Variants in UPP2 observed in about 807,000 individuals in gnomAD.
UPP2 encodes the protein UPase 2.
In UPP2, 23 loss-of-function variants were observed where a neutral mutation model predicts 26.7. That is an observed-to-expected ratio of 0.86 (90% CI 0.62 to 1.22). UPP2 has a LOEUF of 1.22. Ranked by LOEUF, UPP2 falls within the 50% of genes most tolerant of loss-of-function variation. The pLI, the probability that UPP2 is intolerant of heterozygous loss-of-function variation, is 0.00. For missense variants in UPP2, 387 were observed against 396.7 expected, an observed-to-expected ratio of 0.98 and a Z score of 0.21; for synonymous variants, 127 against 141.3, an observed-to-expected ratio of 0.90 and a Z score of 0.72.
intron 3 of UPP2, among the ~76,000 whole-genome samples, chr2:158,062,054 T>C (rs1682360535): frequency 6.6e-6 from 1 of 152,266 alleles, no homozygotes; most frequent in Non-Finnish European, 1.5e-5. Flanking sequence ...GCTGCTTTTA[T>C]GCTAAAGCAA....
intron 3 of UPP2, among the ~76,000 whole-genome samples, chr2:158,062,788 T>C (rs1294134562): frequency 6.6e-6 from 1 of 152,208 alleles, no homozygotes; most frequent in Non-Finnish European, 1.5e-5. Context: ...GGTGCAGAGA[T>C]AGAAACCAGC....
At chr2:158,134,639 C>T in intron 6 of UPP2, 109 bp from the exon 7 acceptor site, 1 of 1,321,660 alleles carries the variant, frequency 7.6e-7, no homozygotes, top group Non-Finnish European at 9.9e-7. Flanking sequence ...ACAACAACAA[C>T]AAAAATACAC....
chr2:158,031,074 G>A (rs1417208895), intron 3 of UPP2, among the ~76,000 whole-genome samples: 14 of 151,898 alleles, frequency 9.2e-5, no homozygotes, highest in Admixed American at 8.5e-4. Context: ...ATAAAAATAA[G>A]AAGGCAGCAA....
intron 3 of UPP2, among the ~76,000 whole-genome samples, chr2:158,056,844 T>C (rs2105175436): frequency 6.6e-6 from 1 of 152,310 alleles, no homozygotes; most frequent in African/African-American, 2.4e-5. Flanking sequence ...AATGTCAACA[T>C]ATCTTTTTTT....
At chr2:158,057,101 G>C (rs1682257903) in intron 3 of UPP2, among the ~76,000 whole-genome samples, 1 of 152,204 alleles carries the variant, frequency 6.6e-6, no homozygotes, top group South Asian at 2.1e-4. Flanking sequence ...CAGAGGTAAA[G>C]TGATATTTTC....
intron 3 of UPP2, among the ~76,000 whole-genome samples, chr2:158,023,807 G>A (rs554419847): frequency 2.0e-5 from 3 of 152,290 alleles, no homozygotes; most frequent in African/African-American, 4.8e-5. Context: ...GGGTTCGACC[G>A]AAGTTGCCAG....
chr2:158,126,556 C>T (rs1298452763), intron 6 of UPP2: 1 of 152,194 alleles, frequency 6.6e-6, no homozygotes, highest in African/African-American at 2.4e-5. Flanking sequence ...AGACCGAAAA[C>T]CCCATGGATA....
intron 3 of UPP2, among the ~76,000 whole-genome samples, chr2:158,016,945 A>G (rs1181958667): frequency 1.3e-5 from 2 of 152,204 alleles, no homozygotes; most frequent in African/African-American, 4.8e-5. Flanking sequence ...TATGCTTTTT[A>G]GCATGCAGCA....
At chr2:158,043,942 T>C (rs1684115571) in intron 3 of UPP2, among the ~76,000 whole-genome samples, 1 of 152,224 alleles carries the variant, frequency 6.6e-6, no homozygotes, top group Non-Finnish European at 1.5e-5. Context: ...ATTTCCAGTA[T>C]GTACATCATT....
At chr2:158,055,164 T>G (rs934227395) in intron 3 of UPP2, among the ~76,000 whole-genome samples, 3 of 152,222 alleles carry the variant, frequency 2.0e-5, no homozygotes, top group African/African-American at 7.2e-5. Flanking sequence ...GGTGAGAGCC[T>G]TATTGCTGGT....
At chr2:158,043,402 A>T (rs956233848) in intron 3 of UPP2, among the ~76,000 whole-genome samples, 2 of 152,176 alleles carry the variant, frequency 1.3e-5, no homozygotes, top group African/African-American at 4.8e-5. Flanking sequence ...TGACATCAGA[A>T]GTCAAGCCTG....
At chr2:158,069,961 T>C (rs953086752) in intron 3 of UPP2, among the ~76,000 whole-genome samples, 3 of 152,104 alleles carry the variant, frequency 2.0e-5, no homozygotes, top group South Asian at 2.1e-4. Context: ...TTATAAGGGC[T>C]TTAATCTCAA....
intron 2 of UPP2, among the ~76,000 whole-genome samples, chr2:158,001,662 A>AT (rs1461576417): frequency 5.9e-5 from 9 of 152,046 alleles, no homozygotes; most frequent in Admixed American, 6.5e-5. Flanking sequence ...TCTTGGTCTT[A>AT]TTTTTTTCCC....
chr2:158,114,163 T>C (rs1683374758), intron 2 of UPP2, among the ~76,000 whole-genome samples: 2 of 152,216 alleles, frequency 1.3e-5, no homozygotes. Flanking sequence ...GACCCTCCAC[T>C]ATGTTGTCTT....
At chr2:158,115,666 GA>G (rs1424800229) in intron 3 of UPP2, among the ~76,000 whole-genome samples, 3 of 152,180 alleles carry the variant, frequency 2.0e-5, no homozygotes, top group African/African-American at 7.2e-5. Context: ...TAAGCTCGCT[GA>G]AAAGCTGCTA....
chr2:158,010,692 A>G (rs1683561352), intron 2 of UPP2, among the ~76,000 whole-genome samples: 2 of 152,248 alleles, frequency 1.3e-5, no homozygotes, highest in South Asian at 4.1e-4. Flanking sequence ...GTGAAGGCAC[A>G]GTTATATTAA....
chr2:158,069,909 T>A (rs1001308635), intron 3 of UPP2, among the ~76,000 whole-genome samples: 19 of 152,072 alleles, frequency 1.2e-4, no homozygotes, highest in African/African-American at 4.1e-4. Context: ...GACTGCTGAC[T>A]TCTTCTTGTA....
intron 3 of UPP2, among the ~76,000 whole-genome samples, chr2:158,049,092 AT>A (rs889449847): frequency 2.0e-5 from 3 of 152,148 alleles, no homozygotes; most frequent in Non-Finnish European, 4.4e-5. Context: ...TCACAATTTA[AT>A]TGTTACCTGT....
intron 3 of UPP2, among the ~76,000 whole-genome samples, chr2:158,056,054 C>T (rs946896738): frequency 7.9e-5 from 12 of 152,232 alleles, no homozygotes; most frequent in Admixed American, 5.2e-4. Flanking sequence ...TTAGGATGAT[C>T]GCTTTCTGTG....
Sources: gnomAD v4.1 joint callset for allele counts (sites outside exome capture counted in the v4.1 genomes callset) on GRCh38, gnomAD v4.1.1 for gene constraint, MANE v1.5 for transcripts, NCBI Gene and HGNC (gene_info 2026-07-23, HGNC 2026-07-21) for gene names.